The following CNBD1 variants were observed in gnomAD, a reference collection of about 807,000 sequenced individuals.
CNBD1 encodes the protein cyclic nucleotide binding domain containing 1.
Under a neutral mutation model 54.4 loss-of-function variants are expected in CNBD1, and 71 were observed. The observed-to-expected ratio is 1.30, with a 90% CI of 1.08 to 1.59. CNBD1 has a LOEUF of 1.59. Among genes scored for constraint, CNBD1 ranks in the 40% most tolerant of loss-of-function variants. The pLI is 0.00. For synonymous variants in CNBD1, 182 were observed against 170.7 expected, an observed-to-expected ratio of 1.07 and a Z score of -0.51; for missense variants, 659 against 518.0, an observed-to-expected ratio of 1.27 and a Z score of -2.64.
intron 8 of CNBD1, among the ~76,000 whole-genome samples, chr8:87,346,194 A>G (rs1257148227): frequency 6.6e-6 from 1 of 151,978 alleles, no homozygotes; most frequent in Admixed American, 6.6e-5. Context: ...GGCATGCGCC[A>G]CCACGCTCAG....
At chr8:87,374,594 G>C (rs930821663) in intron 10 of CNBD1, among the ~76,000 whole-genome samples, 1 of 151,716 alleles carries the variant, frequency 6.6e-6, no homozygotes, top group Admixed American at 6.6e-5. Context: ...TTAGTACTGG[G>C]GCACGTTAAA....
At chr8:86,897,432 A>G (rs1199503043) in intron 2 of CNBD1, among the ~76,000 whole-genome samples, 1 of 152,146 alleles carries the variant, frequency 6.6e-6, no homozygotes, top group Admixed American at 6.6e-5. Context: ...CAGACATGGT[A>G]TGGAGTATGA....
intron 4 of CNBD1, among the ~76,000 whole-genome samples, chr8:86,958,230 A>G (rs1807830552): frequency 6.6e-6 from 1 of 152,264 alleles, no homozygotes; most frequent in African/African-American, 2.4e-5. Context: ...ACATTTGCTG[A>G]GGAGTGCTTT....
intron 4 of CNBD1, among the ~76,000 whole-genome samples, chr8:86,999,110 CT>C (rs1304558208): frequency 6.6e-6 from 1 of 152,232 alleles, no homozygotes; most frequent in Non-Finnish European, 1.5e-5. Context: ...TTAATGTCAG[CT>C]TTCGGAAGAG....
Position 87,212,836 on chromosome 8 carries a change from G to GA in CNBD1, c.577+6704dup, listed in dbSNP as rs1206209625. Among the ~76,000 whole-genome samples the GA allele has an allele frequency of 9.2e-5, 14 of 151,950 alleles. 1 individual carries two copies. The highest frequency in any genetic ancestry group is 9.2e-4 in the Admixed American group (14 of 15,260). On this transcript the variant is annotated intron_variant, in intron 5 of 10. Transcript: ENST00000518476. ...TAACACTGACAGTACAAGAGACAAA[G>GA]AAAAAATTGAATAATTTGGACCTTA...
chr8:87,279,081 A>T (rs975791625), intron 6 of CNBD1, among the ~76,000 whole-genome samples: 10 of 151,444 alleles, frequency 6.6e-5, no homozygotes, highest in African/African-American at 2.4e-4. Context: ...CTAATTTATA[A>T]AGTAAACTTT....
At chr8:87,181,296 A>G (rs951128733) in intron 4 of CNBD1, among the ~76,000 whole-genome samples, 5 of 152,186 alleles carry the variant, frequency 3.3e-5, no homozygotes, top group Non-Finnish European at 5.9e-5. Context: ...ACATGTGTAC[A>G]CATCTGTGAA....
chr8:87,269,450 C>A (rs544552379), intron 6 of CNBD1, among the ~76,000 whole-genome samples: 1 of 151,958 alleles, frequency 6.6e-6, no homozygotes, highest in South Asian at 2.1e-4. Context: ...TTTTCTAATT[C>A]TGTGAAAAAA....
chr8:87,057,948 G>C lies in CNBD1; in HGVS notation c.431+118194G>C, dbSNP rs1439114368. On this transcript the variant is annotated intron_variant, in intron 4 of 10. Coordinates refer to ENST00000518476, the MANE Select transcript of CNBD1 (RefSeq NM_173538.3). ...TTCAAGCATTAACTCAAAAGTCCAAGTTCAAAGTGTCATTTAAGACAAAGC... is the reference window on the plus strand; with the variant it reads ...TTCAAGCATTAACTCAAAAGTCCAACTTCAAAGTGTCATTTAAGACAAAGC... Among the ~76,000 whole-genome samples the C allele has an allele frequency of 2.0e-5, 3 of 152,026 alleles. No individual in the cohort carries two copies. The East Asian group carries it at 5.8e-4, about 29-fold the overall frequency.
chr8:87,346,766 G>T (rs928835874), intron 8 of CNBD1, among the ~76,000 whole-genome samples: 1 of 152,108 alleles, frequency 6.6e-6, no homozygotes, highest in Non-Finnish European at 1.5e-5. Flanking sequence ...TGAAGCTTGG[G>T]ATAAGGTTAA....
intron 4 of CNBD1, among the ~76,000 whole-genome samples, chr8:87,041,317 A>G (rs1810063318): frequency 6.6e-6 from 1 of 152,158 alleles, no homozygotes; most frequent in African/African-American, 2.4e-5. Flanking sequence ...GAGCAATGTG[A>G]GCATTTGGGT....
chr8:87,220,020 A>C (rs568548924), intron 5 of CNBD1, among the ~76,000 whole-genome samples: 19 of 152,074 alleles, frequency 1.2e-4, no homozygotes, highest in Non-Finnish European at 2.4e-4. Context: ...TTAAACTTTT[A>C]AAGTTAAGCA....
chr8:86,940,608 G>A (rs1361386744), intron 4 of CNBD1, among the ~76,000 whole-genome samples: 2 of 152,116 alleles, frequency 1.3e-5, no homozygotes, highest in East Asian at 1.9e-4. Context: ...AAAATTAAAC[G>A]AGTACCATGA....
intron 8 of CNBD1, among the ~76,000 whole-genome samples, chr8:87,290,162 T>C (rs539505795): frequency 3.3e-5 from 5 of 152,114 alleles, no homozygotes; most frequent in African/African-American, 9.6e-5. Context: ...TTATATGTTA[T>C]TATTATTATA....
intron 8 of CNBD1, among the ~76,000 whole-genome samples, chr8:87,346,518 G>T (rs943154763): frequency 7.9e-5 from 12 of 151,380 alleles, no homozygotes; most frequent in South Asian, 2.1e-4. Context: ...TCTTATATTT[G>T]CTATTTCATC....
intron 10 of CNBD1, among the ~76,000 whole-genome samples, chr8:87,376,625 C>A (rs1026210613): frequency 6.6e-6 from 1 of 151,764 alleles, no homozygotes; most frequent in African/African-American, 2.4e-5. Context: ...TATTTGGGTA[C>A]TTCCATAGAA....
At chr8:87,013,899 T>G (rs763609254) in intron 4 of CNBD1, among the ~76,000 whole-genome samples, 6 of 151,886 alleles carry the variant, frequency 4.0e-5, no homozygotes, top group Non-Finnish European at 5.9e-5. Context: ...TCCTTTAATA[T>G]GCAAATTTGG....
At chr8:86,951,755 T>C (rs1345792727) in intron 4 of CNBD1, among the ~76,000 whole-genome samples, 1 of 152,012 alleles carries the variant, frequency 6.6e-6, no homozygotes, top group Non-Finnish European at 1.5e-5. Context: ...CTAAATTTTC[T>C]TTAATCATTT....
At chr8:87,220,731 T>C (rs78779659) in intron 5 of CNBD1, among the ~76,000 whole-genome samples, 53 of 152,186 alleles carry the variant, frequency 3.5e-4, no homozygotes, top group African/African-American at 1.1e-3. Context: ...AGGTTGTACA[T>C]ATTTTCCTAT....
Sources: gnomAD v4.1 joint callset for allele counts (sites outside exome capture counted in the v4.1 genomes callset) on GRCh38, gnomAD v4.1.1 for gene constraint, MANE v1.5 for transcripts, NCBI Gene and HGNC (gene_info 2026-07-23, HGNC 2026-07-21) for gene names.